MTF1: variants seen among roughly 807,000 people sequenced by gnomAD.
MTF1 encodes MRE-binding transcription factor.
In MTF1, 22 loss-of-function variants were observed where a neutral mutation model predicts 70.4. The ratio of observed to expected loss-of-function variants is 0.31; its 90% confidence interval spans 0.22 to 0.45. MTF1 has a LOEUF of 0.45. Among genes scored for constraint, MTF1 ranks in the 20% least tolerant of loss-of-function variants. MTF1 has a pLI of 1.00. For missense variants in MTF1, 649 were observed against 922.0 expected, an observed-to-expected ratio of 0.70 and a Z score of 3.83; for synonymous variants, 333 against 352.8, an observed-to-expected ratio of 0.94 and a Z score of 0.63.
In MTF1 at chr1:37,811,918, A is replaced by C. The variant is rs1408244548; in HGVS notation, c.*3218T>G. ...AGACCCTGCCAGCAAAGACTGGGCC[A>C]CCTTCCCTCAATGCCCAACCTACCT... is the stretch of plus-strand genomic sequence containing the variant. On this transcript the variant is annotated 3_prime_UTR_variant, in exon 11 of 11. Transcript: ENST00000373036. 1 of 152,674 alleles carries C rather than the reference A, an allele frequency of 6.5e-6. No homozygotes were observed. The highest frequency in any genetic ancestry group is 1.9e-4 in the East Asian group (1 of 5,198). The allele number at this position is 152,674 out of a possible 1,614,324, so 9.5% of individuals were successfully genotyped here.
chr1:37,847,461 A>G (rs1641350705), intron 2 of MTF1, among the ~76,000 whole-genome samples: 2 of 152,222 alleles, frequency 1.3e-5, no homozygotes, highest in East Asian at 1.9e-4. Context: ...ATCGGTACAT[A>G]TCAGGTATTC....
chr1:37,829,772 G>A (rs1449439838), intron 7 of MTF1, among the ~76,000 whole-genome samples: 4 of 150,412 alleles, frequency 2.7e-5, no homozygotes, highest in South Asian at 4.2e-4. Context: ...GCGACAGAGC[G>A]AGACTCTGTC....
rs1640787605 is a variant in MTF1, at chr1:37,814,665, A to G, written c.*471T>C. 5.8e-6 allele frequency: 1 copy of G among 173,792 alleles called. No homozygotes were observed. Among genetic ancestry groups the G allele is most frequent in the African/African-American group, 2.4e-5 (1 of 41,652 alleles). The allele number at this position is 173,792 out of a possible 1,614,324, so 10.8% of individuals were successfully genotyped here. A position where few individuals can be genotyped will look rare whatever the true frequency, so the allele number is the denominator to read the frequency against. On this transcript the variant is annotated 3_prime_UTR_variant, in exon 11 of 11. Transcript: ENST00000373036. Reference sequence around the variant, plus strand: ...TTGCCACTGCCCTCTCTGATGGAGCAAGGGTCTGGCCTTCCAAGCAAATGT... The same window carrying G: ...TTGCCACTGCCCTCTCTGATGGAGCGAGGGTCTGGCCTTCCAAGCAAATGT...
intron 10 of MTF1, among the ~76,000 whole-genome samples, chr1:37,816,966 G>A (rs538393586): frequency 7.2e-5 from 11 of 152,260 alleles, no homozygotes; most frequent in African/African-American, 2.4e-4. Context: ...CAACCTTGGG[G>A]GAGTCAATTA....
chr1:37,847,887 C>G (rs527778417), intron 2 of MTF1, among the ~76,000 whole-genome samples: 2 of 152,172 alleles, frequency 1.3e-5, no homozygotes, highest in East Asian at 3.9e-4. Flanking sequence ...ATCGCTTGAG[C>G]TGGTGAGGTC....
chr1:37,843,970 G>T (rs1641295684), intron 2 of MTF1, among the ~76,000 whole-genome samples: 1 of 150,200 alleles, frequency 6.7e-6, no homozygotes, highest in Non-Finnish European at 1.5e-5. Context: ...CTGCCACACA[G>T]AAGAAGCTCC....
chr1:37,834,426 G>T (rs1641133328), intron 6 of MTF1, among the ~76,000 whole-genome samples: 1 of 129,926 alleles, frequency 7.7e-6, no homozygotes, highest in Non-Finnish European at 1.7e-5. Context: ...GGGGGTGGGG[G>T]AAGGGAAAGA....
intron 10 of MTF1, among the ~76,000 whole-genome samples, chr1:37,816,212 C>T (rs1390769738): frequency 6.6e-6 from 1 of 152,192 alleles, no homozygotes; most frequent in Admixed American, 6.5e-5. Context: ...TTCAGCCAGG[C>T]TTTGTGTGTC....
chr1:37,813,673 C>T lies in MTF1; in HGVS notation c.*1463G>A, dbSNP rs141927084. 2.5e-4 allele frequency: 38 copies of T among 152,382 alleles called. No individual in the cohort carries two copies. Among genetic ancestry groups the T allele is most frequent in the African/African-American group, 9.1e-4 (38 of 41,576 alleles). 9.4% of individuals were successfully genotyped at this position (152,382 alleles called of 1,614,324 possible). A position where few individuals can be genotyped will look rare whatever the true frequency, so the allele number is the denominator to read the frequency against. ...GGAAAGGGCTCTTGGGAGGCAGAGG[C>T]CTATTCTGCACCTCAGGCCATGCCT... On this transcript the variant is annotated 3_prime_UTR_variant, in exon 11 of 11. Coordinates refer to ENST00000373036, the MANE Select transcript of MTF1 (RefSeq NM_005955.3).
At chr1:37,850,668 A>G (rs914131802) in intron 2 of MTF1, among the ~76,000 whole-genome samples, 2 of 152,164 alleles carry the variant, frequency 1.3e-5, no homozygotes, top group Non-Finnish European at 2.9e-5. Flanking sequence ...TTCGAGTCAG[A>G]ATGACCAGCG....
chr1:37,815,482 C>G lies in MTF1; in HGVS notation c.1916G>C (p.Arg639Pro). Reference sequence around the variant, plus strand: ...GGATGCCCGCTCCTTTGCAGAGTCCCGGCATGCACACTGACACTGACATGC... The same window carrying G: ...GGATGCCCGCTCCTTTGCAGAGTCCGGGCATGCACACTGACACTGACATGC... Reference protein sequence around the residue: ...EEACQCQCACRDSAKERASSR... With the variant: ...EEACQCQCACPDSAKERASSR... The change falls in exon 11 of 11, where the codon CGG becomes CCG. Residue 639 changes from arginine (R) to proline (P), a missense_variant. By Grantham distance (103) the Arg-to-Pro change is moderately radical. This residue lies in a region of MTF1 where 39 missense variants were observed against 97.8 expected (regional missense o/e 0.40). Coordinates refer to ENST00000373036, the MANE Select transcript of MTF1 (RefSeq NM_005955.3). The surrounding 1 kb of genome is among the most constrained non-coding windows in gnomAD (Gnocchi z 4.5). 4 of 1,583,776 alleles carry G rather than the reference C, an allele frequency of 2.5e-6. No homozygotes were observed. The highest frequency in any genetic ancestry group is 3.4e-6 in the Non-Finnish European group (4 of 1,165,614).
intron 2 of MTF1, among the ~76,000 whole-genome samples, chr1:37,852,273 A>G (rs1415867384): frequency 2.0e-5 from 3 of 152,198 alleles, no homozygotes; most frequent in Non-Finnish European, 4.4e-5. Flanking sequence ...GACCTCAGAT[A>G]CACGTTTCCA....
At chr1:37,858,572 T>G (rs1641538119) in intron 1 of MTF1, 2 of 152,220 alleles carry the variant, frequency 1.3e-5, no homozygotes, top group Non-Finnish European at 2.9e-5. Context: ...TCTATTTATG[T>G]CCTAAAACAA....
intron 2 of MTF1, among the ~76,000 whole-genome samples, chr1:37,845,846 G>A (rs546262238): frequency 6.6e-6 from 1 of 152,156 alleles, no homozygotes; most frequent in Non-Finnish European, 1.5e-5. Flanking sequence ...ACAGTTGACT[G>A]TCAAAGCAAA....
At chr1:37,828,323 A>C (rs1641035363) in intron 7 of MTF1, 3 of 381,372 alleles carry the variant, frequency 7.9e-6, no homozygotes, top group African/African-American at 2.2e-5. Context: ...TTTTGTTCTG[A>C]GACAGAGTTT....
At chr1:37,838,886 C>T (rs1641213890) in intron 3 of MTF1, 130 bp from the exon 4 acceptor site, 3 of 641,056 alleles carry the variant, frequency 4.7e-6, no homozygotes, top group Admixed American at 7.5e-5. Context: ...CTCACTGCAA[C>T]CTCCTCCTGC....
intron 4 of MTF1, among the ~76,000 whole-genome samples, chr1:37,837,268 G>A (rs1362793707): frequency 6.6e-6 from 1 of 151,978 alleles, no homozygotes; most frequent in East Asian, 1.9e-4. Flanking sequence ...ACTTGCCCAA[G>A]CTGGTCTTGA....
intron 1 of MTF1, among the ~76,000 whole-genome samples, chr1:37,858,793 T>C (rs1006528256): frequency 7.9e-5 from 12 of 152,224 alleles, no homozygotes; most frequent in African/African-American, 2.4e-4. Flanking sequence ...TTGAGAAAAA[T>C]ACCACATTTG....
At chr1:37,820,603 T>C (rs1427274255) in intron 9 of MTF1, among the ~76,000 whole-genome samples, 1 of 152,188 alleles carries the variant, frequency 6.6e-6, no homozygotes, top group Non-Finnish European at 1.5e-5. Context: ...CAATGATTGC[T>C]AGGGGAGAGG....
Sources: gnomAD v4.1 joint callset for allele counts (sites outside exome capture counted in the v4.1 genomes callset) on GRCh38, gnomAD v4.1.1 for gene constraint, gnomAD v4.1.1 regional missense constraint, Gnocchi (gnomAD v3.1) non-coding constraint, MANE v1.5 for transcripts, NCBI Gene and HGNC (gene_info 2026-07-23, HGNC 2026-07-21) for gene names.